MTMR10: variants seen among roughly 807,000 people sequenced by gnomAD.
MTMR10 encodes the protein myotubularin related protein 10.
Under a neutral mutation model 88.1 loss-of-function variants are expected in MTMR10, and 56 were observed. That is an observed-to-expected ratio of 0.64 (90% CI 0.51 to 0.79). The LOEUF (loss-of-function observed/expected upper bound fraction) is 0.79. Ranked by LOEUF, MTMR10 falls within the 30% of genes least tolerant of loss-of-function variation. The pLI is 0.00. For missense variants in MTMR10, 883 were observed against 924.7 expected (o/e 0.95, Z 0.58); for synonymous variants, 380 against 340.9 (o/e 1.11, Z -1.26).
At chr15:30,954,346 T>C (rs2063291781) in intron 10 of MTMR10, among the ~76,000 whole-genome samples, 1 of 152,180 alleles carries the variant, frequency 6.6e-6, no homozygotes, top group Non-Finnish European at 1.5e-5. Flanking sequence ...CCTGGTACGT[T>C]TGCTCAGATA....
the MTMR10 span, among the ~76,000 whole-genome samples, chr15:30,919,378 CAAAA>C: frequency 1.3e-5 from 1 of 75,126 alleles, no homozygotes. Context: ...AACTCCGTCT[CAAAA>C]AAAAAAAAAA....
chr15:30,941,862 G>T lies in MTMR10; in HGVS notation c.1942C>A (p.Arg648Ser), dbSNP rs781668189. The T allele has an allele frequency of 8.1e-6, 13 of 1,613,928 alleles. No individual in the cohort carries two copies. Among genetic ancestry groups the T allele is most frequent in the Non-Finnish European group, 7.6e-6 (9 of 1,179,914 alleles). ...PANLHGVILP[R>S]VSGTHIKLWK... ...AGTTTTATGTGTGTTCCAGAGACAC[G>T]TGGCAGAATAACACCGTGCAGGTTG... Residue 648 changes from arginine (R) to serine (S), a missense_variant, in exon 16 of 16, where the codon CGT (arginine) becomes AGT (serine). Coordinates refer to ENST00000435680, the MANE Select transcript of MTMR10 (RefSeq NM_017762.3).
chr15:30,947,151 G>A lies in MTMR10; in HGVS notation c.1527C>T (p.His509=). Residue 509 remains histidine (H), a synonymous_variant, in exon 14 of 16, where the codon CAC becomes CAT. Transcript: ENST00000435680. ...LFGTFLFNSP[H]QRVKQSTEFA... is the part of the protein sequence containing the mutation. ...TTACCGTGCTTTGCTTCACTCGCTG[G>A]TGAGGGGAGTTGAACAGGAAGGTGC... 1 of 1,610,782 alleles carries A rather than the reference G, an allele frequency of 6.2e-7. No homozygotes were observed. The highest frequency in any genetic ancestry group is 8.5e-7 in the Non-Finnish European group (1 of 1,178,826).
At chr15:30,958,583 C>T (rs527442652) in intron 9 of MTMR10, among the ~76,000 whole-genome samples, 1 of 152,298 alleles carries the variant, frequency 6.6e-6, no homozygotes, top group South Asian at 2.1e-4. Flanking sequence ...TATCACTGCA[C>T]TTTGAAAGTA....
chr15:30,942,081 A>G lies in MTMR10; in HGVS notation c.1732-9T>C. On this transcript the variant is annotated splice_polypyrimidine_tract_variant and intron_variant, in intron 15 of 15. Coordinates refer to ENST00000435680, the MANE Select transcript of MTMR10 (RefSeq NM_017762.3). ...GTGGAGCTGTAGCTTTTCTATACAG[A>G]AGAGATTTTATTATGTTCCGGGGAT... is the stretch of plus-strand genomic sequence containing the variant. 5 of 1,606,840 alleles carry G rather than the reference A, an allele frequency of 3.1e-6. No individual in the cohort carries two copies. Among genetic ancestry groups the G allele is most frequent in the Non-Finnish European group, 4.3e-6 (5 of 1,175,482 alleles).
At chr15:30,968,656 G>A (rs2063501731) in intron 5 of MTMR10, among the ~76,000 whole-genome samples, 1 of 151,972 alleles carries the variant, frequency 6.6e-6, no homozygotes, top group African/African-American at 2.4e-5. Flanking sequence ...AAACAGATCA[G>A]GGGGCTTGAA....
chr15:30,974,355 T>C lies in MTMR10; in HGVS notation c.433A>G (p.Arg145Gly). The C allele has an allele frequency of 6.2e-7, 1 of 1,606,446 alleles. No homozygotes were observed. The highest frequency in any genetic ancestry group is 8.5e-7 in the Non-Finnish European group (1 of 1,175,340). ...GGACCTGATTCATCAAAGCGAAATCTGACAATTCTGAAATCTTTACAATAA... is the reference window on the plus strand; with the variant it reads ...GGACCTGATTCATCAAAGCGAAATCCGACAATTCTGAAATCTTTACAATAA... ...IIYCKDFRIV[R>G]FRFDESGPES... Residue 145 changes from arginine to glycine, a missense_variant, in exon 5 of 16, where the codon AGA becomes GGA. Coordinates refer to ENST00000435680, the MANE Select transcript of MTMR10 (RefSeq NM_017762.3).
chr15:30,950,186 T>G (rs1310906906), intron 12 of MTMR10: 1 of 152,170 alleles, frequency 6.6e-6, no homozygotes, highest in Non-Finnish European at 1.5e-5. Context: ...TCCAATACGA[T>G]GAGAACACCC....
At chr15:30,950,670 C>CAAA (rs35764283) in intron 12 of MTMR10, among the ~76,000 whole-genome samples, 1 of 142,282 alleles carries the variant, frequency 7.0e-6, no homozygotes. Flanking sequence ...AACTCCATCT[C>CAAA]AAAAAAAAAA....
chr15:30,927,369 G>A, the MTMR10 span: 1 of 985,404 alleles, frequency 1.0e-6, no homozygotes, highest in Non-Finnish European at 1.2e-6. Flanking sequence ...AAGTCCTCCT[G>A]GAAGACTTGG....
the MTMR10 span, chr15:30,926,069 G>A: frequency 3.3e-6 from 3 of 918,888 alleles, no homozygotes; most frequent in East Asian, 2.4e-5. Context: ...CTGTGGGCTG[G>A]GGGATGTCTT....
At chr15:30,976,018 G>A (rs1319580625) in intron 3 of MTMR10, among the ~76,000 whole-genome samples, 1 of 151,404 alleles carries the variant, frequency 6.6e-6, no homozygotes, top group African/African-American at 2.4e-5. Context: ...ATAGCAAGAG[G>A]GCTACTGAAA....
chr15:30,952,795 A>C (rs1268489894), intron 11 of MTMR10, among the ~76,000 whole-genome samples: 2 of 151,616 alleles, frequency 1.3e-5, no homozygotes, highest in Non-Finnish European at 1.5e-5. Context: ...CCACTTTGTA[A>C]ATTTTTTTTT....
intron 5 of MTMR10, among the ~76,000 whole-genome samples, chr15:30,973,242 G>A (rs1164790669): frequency 2.0e-5 from 3 of 152,150 alleles, no homozygotes; most frequent in Non-Finnish European, 2.9e-5. Context: ...GCAGCTTGCT[G>A]AGAGATGGTT....
At chr15:30,962,350 C>T (rs1389635068) in intron 6 of MTMR10, among the ~76,000 whole-genome samples, 7 of 152,224 alleles carry the variant, frequency 4.6e-5, no homozygotes, top group Non-Finnish European at 1.5e-5. Flanking sequence ...CTGCAGGCTG[C>T]AACTGTGGCA....
chr15:30,979,662 A>G (rs2030421693), intron 2 of MTMR10, among the ~76,000 whole-genome samples: 1 of 152,236 alleles, frequency 6.6e-6, no homozygotes, highest in African/African-American at 2.4e-5. Flanking sequence ...CTTGTGTGGC[A>G]GAGCCTTGTG....
downstream of MTMR10, chr15:30,937,021 G>A (rs2062874318): frequency 1.1e-6 from 1 of 899,574 alleles, no homozygotes; most frequent in Non-Finnish European, 1.8e-6. Context: ...GAGAGCAGAA[G>A]AGCCATTTAA....
chr15:30,926,309 C>T, the MTMR10 span, among the ~76,000 whole-genome samples: 3 of 152,154 alleles, frequency 2.0e-5, no homozygotes, highest in Non-Finnish European at 4.4e-5. Flanking sequence ...AGAAGCTGGC[C>T]CCAGATATCC....
chr15:30,939,899 A>T lies in MTMR10; in HGVS notation c.*1571T>A, dbSNP rs1010775012. 4.2e-5 allele frequency: 41 copies of T among 985,320 alleles called. No homozygotes were observed. Among genetic ancestry groups the T allele is most frequent in the Non-Finnish European group, 4.9e-5 (41 of 829,914 alleles). 61.0% of individuals were successfully genotyped at this position (985,320 alleles called of 1,614,324 possible). On this transcript the variant is annotated 3_prime_UTR_variant, in exon 16 of 16. Coordinates refer to ENST00000435680, the MANE Select transcript of MTMR10 (RefSeq NM_017762.3). Reference sequence around the variant, plus strand: ...TTTTCTAGGCAACAAGTTGGCAAAAACCTTGGGTTTACCCATAAAGTGAAT... The same window carrying T: ...TTTTCTAGGCAACAAGTTGGCAAAATCCTTGGGTTTACCCATAAAGTGAAT...
Sources: gnomAD v4.1 joint callset for allele counts (sites outside exome capture counted in the v4.1 genomes callset) on GRCh38, gnomAD v4.1.1 for gene constraint, MANE v1.5 for transcripts, NCBI Gene and HGNC (gene_info 2026-07-23, HGNC 2026-07-21) for gene names.